PODXL: variants seen among roughly 807,000 people sequenced by gnomAD.
The protein encoded by PODXL is podocalyxin.
In PODXL, 20 loss-of-function variants were observed where a neutral mutation model predicts 48.9. The observed-to-expected ratio is 0.41, with a 90% CI of 0.29 to 0.59. PODXL has a LOEUF of 0.59. PODXL is among the 20% of genes least tolerant of loss of function. The pLI is 0.31. For missense variants in PODXL, 606 were observed against 675.1 expected, an observed-to-expected ratio of 0.90 and a Z score of 1.13; for synonymous variants, 295 against 287.4, an observed-to-expected ratio of 1.03 and a Z score of -0.27.
rs556136588 is a variant in PODXL at position 131,504,332 on chromosome 7, C to T, written c.1656G>A (p.Glu552=). The T allele has an allele frequency of 1.2e-6, 2 of 1,614,186 alleles. No homozygotes were observed. Among genetic ancestry groups the T allele is most frequent in the African/African-American group, 2.7e-5 (2 of 75,052 alleles). ...LDNLTKDDLD[E]EEDTHL ...CGGACTAGAGGTGTGTGTCTTCCTC[C>T]TCATCCAGGTCGTCCTTGGTCAGGT... Residue 552 remains glutamate, a synonymous_variant, in exon 9 of 9, where the codon GAG becomes GAA. Coordinates refer to ENST00000378555, the MANE Select transcript of PODXL (RefSeq NM_001018111.3).
intron 1 of PODXL, among the ~76,000 whole-genome samples, chr7:131,529,202 G>A (rs767066066): frequency 1.3e-5 from 2 of 152,168 alleles, no homozygotes; most frequent in Non-Finnish European, 2.9e-5. Flanking sequence ...AGTCTTTGGT[G>A]AGTGATGGAC....
chr7:131,531,434 A>G (rs562844262), intron 1 of PODXL, among the ~76,000 whole-genome samples: 11 of 152,004 alleles, frequency 7.2e-5, no homozygotes, highest in Admixed American at 7.2e-4. Flanking sequence ...GACTCGCCTC[A>G]CTCTCGCCAA....
At position 131,506,739 on chromosome 7, in the gene PODXL, G is replaced by A. The variant is rs543260275; in HGVS notation, c.1102-13C>T. The A allele has an allele frequency of 3.1e-6, 5 of 1,614,000 alleles. No individual in the cohort carries two copies. The African/African-American group carries it at 4.0e-5, about 13-fold the overall frequency. On this transcript the variant is annotated splice_polypyrimidine_tract_variant and intron_variant, in intron 5 of 8. Coordinates refer to ENST00000378555, the MANE Select transcript of PODXL (RefSeq NM_001018111.3). Reference sequence around the variant, plus strand: ...AAGCGCCCCCTGCCTATGGTGGGGAGAGCGCAGGTGACTCCGCGGGGAGCG... The same window carrying A: ...AAGCGCCCCCTGCCTATGGTGGGGAAAGCGCAGGTGACTCCGCGGGGAGCG...
In PODXL at chr7:131,556,370, C is replaced by A; in HGVS notation, c.-11G>T. The A allele has an allele frequency of 7.2e-7, 1 of 1,386,888 alleles. No homozygotes were observed. Among genetic ancestry groups the A allele is most frequent in the African/African-American group, 1.5e-5 (1 of 67,098 alleles). 85.9% of individuals were successfully genotyped at this position (1,386,888 alleles called of 1,614,324 possible). On this transcript the variant is annotated 5_prime_UTR_variant, in exon 1 of 9. Transcript: ENST00000378555. ...CAGCGCGCAGCGCATCGTGTCGTCG[C>A]CTCTGGGCCGGGAGCAGGTGGCTGC...
rs371559943 is a variant in PODXL at position 131,510,877 on chromosome 7, C to T, written c.657G>A (p.Val219=). ...TTGTGAAGGTGTAGCCAGGGATAGC[C>T]ACAGTGCTTGAACTGCTTGAAATTT... ...LMKISSSSST[V]AIPGYTFTSP... The change falls in exon 2 of 9, where the codon GTG becomes GTA. Residue 219 remains valine, a synonymous_variant. Coordinates refer to ENST00000378555, the MANE Select transcript of PODXL (RefSeq NM_001018111.3). 1.4e-5 allele frequency: 22 copies of T among 1,613,938 alleles called. No homozygotes were observed. The highest frequency in any genetic ancestry group is 1.6e-5 in the Non-Finnish European group (19 of 1,180,010).
intron 1 of PODXL, among the ~76,000 whole-genome samples, chr7:131,538,811 G>A (rs1248641599): frequency 6.6e-6 from 1 of 152,168 alleles, no homozygotes; most frequent in Non-Finnish European, 1.5e-5. Flanking sequence ...CTGGAGCTTT[G>A]TACGTGGTGT....
chr7:131,527,121 AG>A (rs2116826657), intron 1 of PODXL, among the ~76,000 whole-genome samples: 1 of 152,290 alleles, frequency 6.6e-6, no homozygotes, highest in South Asian at 2.1e-4. Flanking sequence ...TGCCCTTAAG[AG>A]TAGTTTCACA....
intron 3 of PODXL, 31 bp from the exon 4 acceptor site, chr7:131,509,616 A>G: frequency 1.4e-6 from 2 of 1,412,672 alleles, no homozygotes; most frequent in Non-Finnish European, 1.9e-6. Context: ...GTAATGAGAA[A>G]AGATGAGTGC....
chr7:131,534,034 G>A (rs1051558723), intron 1 of PODXL, among the ~76,000 whole-genome samples: 1 of 141,538 alleles, frequency 7.1e-6, no homozygotes, highest in African/African-American at 2.5e-5. Flanking sequence ...GAGCTGTGCA[G>A]GGGGGAAGGA....
intron 5 of PODXL, among the ~76,000 whole-genome samples, chr7:131,507,915 T>C (rs1797837048): frequency 6.6e-6 from 1 of 152,180 alleles, no homozygotes; most frequent in African/African-American, 2.4e-5. Flanking sequence ...AGAAAACAAC[T>C]GCAGAAAATT....
chr7:131,508,477 G>C (rs1401604229), intron 5 of PODXL, among the ~76,000 whole-genome samples: 1 of 152,098 alleles, frequency 6.6e-6, no homozygotes, highest in Non-Finnish European at 1.5e-5. Context: ...GGCTGGTCTT[G>C]AACTTCTGGC....
At chr7:131,552,412 G>T (rs1331617618) in intron 1 of PODXL, among the ~76,000 whole-genome samples, 2 of 152,202 alleles carry the variant, frequency 1.3e-5, no homozygotes, top group African/African-American at 4.8e-5. Context: ...TAACCACAGG[G>T]AGTCTAGTCC....
At position 131,506,524 on chromosome 7, in the gene PODXL, C is replaced by T; in HGVS notation, c.1249+55G>A. 4.5e-6 allele frequency: 7 copies of T among 1,570,658 alleles called. No individual in the cohort carries two copies. In the South Asian group the frequency reaches 7.9e-5, roughly 18 times the overall value. ...CACCCTCCAATGTGGCTTCTGCATGCCCCCCATTCCCACCCATGCAGGCCC... is the reference window on the plus strand; with the variant it reads ...CACCCTCCAATGTGGCTTCTGCATGTCCCCCATTCCCACCCATGCAGGCCC... On this transcript the variant is annotated intron_variant, in intron 6 of 8. Coordinates refer to ENST00000378555, the MANE Select transcript of PODXL (RefSeq NM_001018111.3).
rs900297493 is a variant in PODXL at position 131,511,945 on chromosome 7, C to G, written c.101-512G>C. 3.9e-5 allele frequency among the ~76,000 whole-genome samples: 6 copies of G among 152,294 alleles called. No individual in the cohort carries two copies. In the East Asian group the frequency reaches 1.2e-3, roughly 29 times the overall value. On this transcript the variant is annotated intron_variant, in intron 1 of 8. Coordinates refer to ENST00000378555, the MANE Select transcript of PODXL (RefSeq NM_001018111.3). ...CTACCCCAGAACCAGCTGCCAGGAA[C>G]ACCTCTGTCTCCTCCTCCCCAGCTC...
At chr7:131,506,960 C>T in intron 5 of PODXL, 1 of 566,940 alleles carries the variant, frequency 1.8e-6, no homozygotes, top group Non-Finnish European at 3.2e-6. Context: ...GTTCTCCGCA[C>T]TGTGTTTATC....
chr7:131,505,436 C>A (rs1797781399), intron 8 of PODXL, among the ~76,000 whole-genome samples: 1 of 152,016 alleles, frequency 6.6e-6, no homozygotes, highest in African/African-American at 2.4e-5. Context: ...TGCTTGAGGT[C>A]AGGAGTTCGA....
chr7:131,542,248 CCTCT>C (rs916908693), intron 1 of PODXL, among the ~76,000 whole-genome samples: 4 of 152,124 alleles, frequency 2.6e-5, no homozygotes, highest in Non-Finnish European at 5.9e-5. Context: ...CTCTCTCTGC[CCTCT>C]CTCTCTGCCC....
chr7:131,547,406 G>C (rs187445460), intron 1 of PODXL, among the ~76,000 whole-genome samples: 1 of 132,010 alleles, frequency 7.6e-6, no homozygotes, highest in African/African-American at 2.9e-5. Flanking sequence ...AAATCAACAC[G>C]TGTGGATGCT....
chr7:131,506,364 G>C (rs560797153), intron 6 of PODXL, 43 bp from the exon 7 acceptor site: 1 of 1,599,376 alleles, frequency 6.3e-7, no homozygotes, highest in Non-Finnish European at 8.6e-7. Flanking sequence ...AGCCCAGAGC[G>C]AGGCAGTGGG....
Sources: allele counts gnomAD v4.1 joint callset (sites outside exome capture counted in the v4.1 genomes callset), GRCh38; gene constraint gnomAD v4.1.1; transcripts MANE v1.5; gene names NCBI Gene and HGNC (gene_info 2026-07-23, HGNC 2026-07-21).